The following IL1RAPL2 variants were observed in gnomAD, a reference collection of about 807,000 sequenced individuals.
IL1RAPL2 encodes interleukin 1 receptor accessory protein like 2.
IL1RAPL2 carries 3 observed loss-of-function variants against 44.1 expected under a neutral mutation model. The observed-to-expected ratio is 0.07, with a 90% CI of 0.03 to 0.18. The LOEUF (loss-of-function observed/expected upper bound fraction) is 0.18. Ranked by LOEUF, IL1RAPL2 falls within the 10% of genes least tolerant of loss-of-function variation. IL1RAPL2 has a pLI of 1.00. For missense variants in IL1RAPL2, 391 were observed against 496.4 expected (o/e 0.79, Z 2.02); for synonymous variants, 181 against 178.8 (o/e 1.01, Z -0.10).
At chrX:104,661,019 T>A (rs1025154641) in intron 2 of IL1RAPL2, among the ~76,000 whole-genome samples, 1 of 110,796 alleles carries the variant, frequency 9.0e-6, no homozygotes, top group Non-Finnish European at 1.9e-5. Flanking sequence ...CATTAAAAGA[T>A]CAACTTTTCA....
At chrX:105,406,780 A>C in intron 5 of IL1RAPL2, 1 of 1,186,608 alleles carries the variant, frequency 8.4e-7, no homozygotes, top group Non-Finnish European at 1.1e-6. Context: ...TTCTGGTCTT[A>C]AAGCCAATTT....
chrX:105,590,851 GTGTGTGTT>G (rs1339085887), intron 6 of IL1RAPL2, among the ~76,000 whole-genome samples: 44 of 100,247 alleles, frequency 4.4e-4, no homozygotes, highest in African/African-American at 1.7e-3. Context: ...GTGTGTGTTT[GTGTGTGTT>G]TGTGTGTGTG....
At chrX:104,933,533 A>G (rs1300262961) in intron 2 of IL1RAPL2, among the ~76,000 whole-genome samples, 1 of 111,900 alleles carries the variant, frequency 8.9e-6, no homozygotes, top group Non-Finnish European at 1.9e-5. Context: ...GGGATTTCTA[A>G]TATGAAGTAG....
At chrX:105,477,964 G>A (rs928074839) in intron 5 of IL1RAPL2, among the ~76,000 whole-genome samples, 1 of 111,087 alleles carries the variant, frequency 9.0e-6, no homozygotes, top group African/African-American at 3.3e-5. Flanking sequence ...TAATAAAATT[G>A]TGTTTTATTA....
intron 2 of IL1RAPL2, among the ~76,000 whole-genome samples, chrX:105,040,273 T>C (rs1386328764): frequency 9.0e-6 from 1 of 111,518 alleles, no homozygotes; most frequent in Non-Finnish European, 1.9e-5. Flanking sequence ...TGCTGCTGGA[T>C]TCGGATTGCC....
chrX:104,702,816 A>T (rs756123376), intron 2 of IL1RAPL2, among the ~76,000 whole-genome samples: 1 of 111,530 alleles, frequency 9.0e-6, no homozygotes, highest in East Asian at 2.8e-4. Context: ...AATTGATCAC[A>T]AGAGTTTATC....
intron 2 of IL1RAPL2, among the ~76,000 whole-genome samples, chrX:104,889,183 C>G (rs1923346148): frequency 9.0e-6 from 1 of 111,216 alleles, no homozygotes; most frequent in South Asian, 3.8e-4. Flanking sequence ...TCTGTAATGG[C>G]AAACATACTC....
At chrX:104,666,858 T>A (rs192393129) in intron 2 of IL1RAPL2, among the ~76,000 whole-genome samples, 146 of 112,135 alleles carry the variant, frequency 1.3e-3, no homozygotes, top group Non-Finnish European at 2.3e-3. Flanking sequence ...AGAATATGCA[T>A]GACTTTCCTA....
intron 2 of IL1RAPL2, among the ~76,000 whole-genome samples, chrX:104,997,956 G>T (rs1413262625): frequency 9.0e-6 from 1 of 111,157 alleles, no homozygotes; most frequent in Non-Finnish European, 1.9e-5. Context: ...GGTCGGAGCT[G>T]AAGATATAAA....
intron 6 of IL1RAPL2, among the ~76,000 whole-genome samples, chrX:105,638,919 G>A (rs1400824792): frequency 9.0e-6 from 1 of 111,226 alleles, no homozygotes; most frequent in Non-Finnish European, 1.9e-5. Flanking sequence ...CAGGAGTTAC[G>A]CCCAGTGGAA....
chrX:105,387,303 C>T (rs772077764), intron 5 of IL1RAPL2, among the ~76,000 whole-genome samples: 87 of 105,024 alleles, frequency 8.3e-4, no homozygotes, highest in African/African-American at 2.8e-3. Context: ...GGTGCAATCT[C>T]GACTCACTGC....
intron 1 of IL1RAPL2, among the ~76,000 whole-genome samples, chrX:104,586,061 A>G (rs1928554362): frequency 1.8e-5 from 2 of 112,039 alleles, no homozygotes; most frequent in South Asian, 7.5e-4. Flanking sequence ...ACTACCACCA[A>G]CAGTGTATAA....
intron 2 of IL1RAPL2, among the ~76,000 whole-genome samples, chrX:105,144,073 A>T (rs1602976484): frequency 9.4e-6 from 1 of 106,157 alleles, no homozygotes; most frequent in East Asian, 3.0e-4. Context: ...GATTACAGTC[A>T]GAGTCTCCTT....
At chrX:105,055,542 A>T (rs2031981139) in intron 2 of IL1RAPL2, among the ~76,000 whole-genome samples, 1 of 112,069 alleles carries the variant, frequency 8.9e-6, no homozygotes, top group African/African-American at 3.2e-5. Flanking sequence ...ATTGGCAAAA[A>T]ATAAAATAAT....
intron 1 of IL1RAPL2, among the ~76,000 whole-genome samples, chrX:104,626,793 C>A (rs1395478680): frequency 9.3e-6 from 1 of 107,921 alleles, no homozygotes; most frequent in Non-Finnish European, 1.9e-5. Flanking sequence ...TTTACTGAAT[C>A]TTTGTTCCAA....
intron 6 of IL1RAPL2, among the ~76,000 whole-genome samples, chrX:105,536,231 AGAAT>A (rs1394765216): frequency 9.0e-6 from 1 of 110,693 alleles, no homozygotes; most frequent in Non-Finnish European, 1.9e-5. Flanking sequence ...GTTTTCAGAA[AGAAT>A]GGCATTCTGT....
chrX:105,711,612 C>A (rs1261069051), intron 6 of IL1RAPL2, among the ~76,000 whole-genome samples: 1 of 111,309 alleles, frequency 9.0e-6, no homozygotes, highest in East Asian at 2.8e-4. Flanking sequence ...CCTTCCATAC[C>A]AATAGCCCCA....
intron 3 of IL1RAPL2, among the ~76,000 whole-genome samples, chrX:105,233,484 G>T (rs781890811): frequency 8.9e-6 from 1 of 112,028 alleles, no homozygotes; most frequent in African/African-American, 3.2e-5. Context: ...TCCAGTTATA[G>T]AGAGACTTTC....
chrX:104,813,294 G>A (rs760605171), intron 2 of IL1RAPL2, among the ~76,000 whole-genome samples: 1 of 111,428 alleles, frequency 9.0e-6, no homozygotes, highest in Non-Finnish European at 1.9e-5. Context: ...AAGGGAAAGA[G>A]CAAGGAATGC....
Sources: allele counts gnomAD v4.1 joint callset (sites outside exome capture counted in the v4.1 genomes callset), GRCh38; gene constraint gnomAD v4.1.1; transcripts MANE v1.5; gene names NCBI Gene and HGNC (gene_info 2026-07-23, HGNC 2026-07-21).